The following NUDT3 variants were observed in gnomAD, a reference collection of about 807,000 sequenced individuals.
The protein encoded by NUDT3 is diphosphoinositol polyphosphate phosphohydrolase 1.
A neutral mutation model predicts 23.6 loss-of-function variants in NUDT3; 9 were observed. The ratio of observed to expected loss-of-function variants is 0.38; its 90% confidence interval spans 0.23 to 0.66. The LOEUF (loss-of-function observed/expected upper bound fraction) is 0.66, where lower values mean the gene tolerates loss of function less well. Ranked by LOEUF, NUDT3 falls within the 30% of genes least tolerant of loss-of-function variation. The probability of loss-of-function intolerance (pLI) is 0.52; values close to 1 mark genes in which losing one functional copy is unlikely to be tolerated. For synonymous variants in NUDT3, 86 were observed against 82.6 expected, an observed-to-expected ratio of 1.04 and a Z score of -0.22; for missense variants, 172 against 218.5, an observed-to-expected ratio of 0.79 and a Z score of 1.34.
At chr6:34,318,065 G>A (rs1056045474) in intron 2 of NUDT3, among the ~76,000 whole-genome samples, 1 of 152,116 alleles carries the variant, frequency 6.6e-6, no homozygotes, top group Non-Finnish European at 1.5e-5. Flanking sequence ...CCTAACTGAA[G>A]CTCTGCCATC....
rs1025699098 is a variant in NUDT3, at chr6:34,284,768, T to G, written c.*3985A>C. On this transcript the variant is annotated 3_prime_UTR_variant, in exon 5 of 5. Coordinates refer to ENST00000607016, the MANE Select transcript of NUDT3 (RefSeq NM_006703.4). ...ACAGATCTGCACAGAATTTTTTTCT[T>G]AAAAACCACAAAGGGTGACTTTTTT... is the stretch of plus-strand genomic sequence containing the variant. 2 of 152,188 alleles carry G rather than the reference T, an allele frequency of 1.3e-5. No homozygotes were observed. Among genetic ancestry groups the G allele is most frequent in the Non-Finnish European group, 2.9e-5 (2 of 68,022 alleles). 9.4% of individuals were successfully genotyped at this position (152,188 alleles called of 1,614,324 possible). A position where few individuals can be genotyped will look rare whatever the true frequency, so the allele number is the denominator to read the frequency against.
chr6:34,351,616 C>T (rs1325270854), intron 1 of NUDT3, among the ~76,000 whole-genome samples: 1 of 148,626 alleles, frequency 6.7e-6, no homozygotes, highest in Non-Finnish European at 1.5e-5. Context: ...GTCGTGGGCG[C>T]TTGTAATCCC....
intron 1 of NUDT3, among the ~76,000 whole-genome samples, chr6:34,391,688 C>T (rs1765201733): frequency 6.6e-6 from 1 of 152,196 alleles, no homozygotes; most frequent in South Asian, 2.1e-4. Context: ...ACCCAGCGCA[C>T]TGTAAAATAA....
At position 34,293,443 on chromosome 6, in the gene NUDT3, TG is replaced by T. The variant is rs1274717267; in HGVS notation, c.340+7del. 6.2e-7 allele frequency: 1 copy of T among 1,614,134 alleles called. No homozygotes were observed. The highest frequency in any genetic ancestry group is 8.5e-7 in the Non-Finnish European group (1 of 1,179,982). ...GAACCCTTTCCAGGCTGTCTGGAGA[TG>T]GCTTACCAATGTTAACTGAATCTTC... On this transcript the variant is annotated splice_region_variant and intron_variant, in intron 4 of 4. Coordinates refer to ENST00000607016, the MANE Select transcript of NUDT3 (RefSeq NM_006703.4).
chr6:34,344,336 C>T (rs1008864676), intron 1 of NUDT3, among the ~76,000 whole-genome samples: 1 of 152,062 alleles, frequency 6.6e-6, no homozygotes, highest in Non-Finnish European at 1.5e-5. Context: ...GTGGCCTATA[C>T]ACACAATGGA....
chr6:34,297,760 A>ATATATATATATATATATT (rs1763535832), intron 2 of NUDT3, among the ~76,000 whole-genome samples: 1 of 53,650 alleles, frequency 1.9e-5, no homozygotes, highest in Non-Finnish European at 3.1e-5. Context: ...TATATATATA[A>ATATATATATATATATATT]TTTTTTTTTT....
At chr6:34,295,272 T>C (rs990382762) in intron 3 of NUDT3, among the ~76,000 whole-genome samples, 11 of 152,138 alleles carry the variant, frequency 7.2e-5, no homozygotes, top group African/African-American at 2.6e-4. Context: ...CCTGTAATCC[T>C]GGCATTTTGG....
chr6:34,337,593 T>C (rs531427036), intron 2 of NUDT3, among the ~76,000 whole-genome samples: 2 of 152,332 alleles, frequency 1.3e-5, no homozygotes, highest in African/African-American at 4.8e-5. Flanking sequence ...CCTCAATGCA[T>C]TTCCTGTTGC....
rs1468611253 is a variant in NUDT3 at position 34,284,536 on chromosome 6, T to TTTG, written c.*4216_*4217insCAA. The TTTG allele has an allele frequency of 6.6e-6, 1 of 151,652 alleles. No individual in the cohort carries two copies. The highest frequency in any genetic ancestry group is 1.5e-5 in the Non-Finnish European group (1 of 67,920). The allele number at this position is 151,652 out of a possible 1,614,324, so 9.4% of individuals were successfully genotyped here. A position where few individuals can be genotyped will look rare whatever the true frequency, so the allele number is the denominator to read the frequency against. ...GAATGTGGCTTAGGCTAAGCTGTTT[T>TTTG]TTTTTTTTTTTTTTTAAAGATGAGG... On this transcript the variant is annotated 3_prime_UTR_variant, in exon 5 of 5. Transcript: ENST00000607016.
chr6:34,373,201 C>T (rs1764861567), intron 1 of NUDT3, among the ~76,000 whole-genome samples: 1 of 151,028 alleles, frequency 6.6e-6, no homozygotes, highest in African/African-American at 2.4e-5. Context: ...ATAGCATGAA[C>T]CCAGGAGACG....
chr6:34,306,674 T>C (rs1255611304), intron 2 of NUDT3, among the ~76,000 whole-genome samples: 1 of 152,212 alleles, frequency 6.6e-6, no homozygotes, highest in African/African-American at 2.4e-5. Context: ...CCAGCTCAAA[T>C]ACAGTACTAT....
intron 2 of NUDT3, among the ~76,000 whole-genome samples, chr6:34,301,326 TC>T (rs780589586): frequency 1.3e-5 from 2 of 152,222 alleles, no homozygotes; most frequent in Non-Finnish European, 2.9e-5. Context: ...TCTCCCTACA[TC>T]CATATCCTTT....
chr6:34,356,999 G>A (rs550798157), intron 1 of NUDT3, among the ~76,000 whole-genome samples: 125 of 152,010 alleles, frequency 8.2e-4, no homozygotes, highest in Non-Finnish European at 1.5e-3. Flanking sequence ...GGATGGTCTC[G>A]ATCTCCTGAC....
intron 1 of NUDT3, among the ~76,000 whole-genome samples, chr6:34,371,004 G>A (rs1293596325): frequency 6.6e-6 from 1 of 151,918 alleles, no homozygotes; most frequent in Non-Finnish European, 1.5e-5. Context: ...CCAGCTACTC[G>A]GGAGGCTAAG....
At chr6:34,390,953 G>T (rs937401532) in intron 1 of NUDT3, among the ~76,000 whole-genome samples, 2 of 152,136 alleles carry the variant, frequency 1.3e-5, no homozygotes, top group Non-Finnish European at 2.9e-5. Flanking sequence ...CTATTACAAT[G>T]CATCTGTTTT....
Position 34,288,774 on chromosome 6 carries a change from G to A in NUDT3, c.498C>T (p.Ser166=), listed in dbSNP as rs748958778. Residue 166 remains serine (S), a synonymous_variant, in exon 5 of 5, where the codon AGC becomes AGT. Coordinates refer to ENST00000607016, the MANE Select transcript of NUDT3 (RefSeq NM_006703.4). ...VATTYSVSAQ[S]SMSGIR ...TCAGTCATCTGATGCCTGACATCGA[G>A]CTCTGAGCAGAAACCGAGTATGTGG... The A allele has an allele frequency of 6.2e-7, 1 of 1,612,360 alleles. No homozygotes were observed. The highest frequency in any genetic ancestry group is 1.1e-5 in the South Asian group (1 of 90,764).
intron 2 of NUDT3, among the ~76,000 whole-genome samples, chr6:34,334,803 T>G (rs1360922095): frequency 6.6e-6 from 1 of 151,852 alleles, no homozygotes; most frequent in Admixed American, 6.6e-5. Flanking sequence ...CATGGTGGCA[T>G]GCACCGGTAG....
chr6:34,294,559 C>G (rs1459079422), intron 3 of NUDT3, among the ~76,000 whole-genome samples: 2 of 151,858 alleles, frequency 1.3e-5, no homozygotes, highest in East Asian at 3.9e-4. Context: ...AAACCTGTCT[C>G]TACTAAAAAT....
At chr6:34,326,780 T>C (rs531073128) in intron 2 of NUDT3, among the ~76,000 whole-genome samples, 2 of 152,142 alleles carry the variant, frequency 1.3e-5, no homozygotes. Flanking sequence ...TTCGTGTTTT[T>C]AGTAGAGACA....
Sources: gnomAD v4.1 joint callset for allele counts (sites outside exome capture counted in the v4.1 genomes callset) on GRCh38, gnomAD v4.1.1 for gene constraint, MANE v1.5 for transcripts, NCBI Gene and HGNC (gene_info 2026-07-23, HGNC 2026-07-21) for gene names.